Variants in DLGAP1 observed in about 807,000 individuals in gnomAD.
DLGAP1 encodes the protein disks large-associated protein 1.
DLGAP1 carries 11 observed loss-of-function variants against 90.8 expected under a neutral mutation model. That is an observed-to-expected ratio of 0.12 (90% confidence interval 0.08 to 0.20). The LOEUF is 0.20. Among genes scored for constraint, DLGAP1 ranks in the 10% least tolerant of loss-of-function variants. DLGAP1 has a pLI of 1.00. For synonymous variants in DLGAP1, 558 were observed against 540.7 expected (o/e 1.03, Z -0.44); for missense variants, 1,050 against 1,333.8 (o/e 0.79, Z 3.31).
At chr18:4,316,560 G>C (rs1366943619) in intron 1 of DLGAP1, among the ~76,000 whole-genome samples, 1 of 152,166 alleles carries the variant, frequency 6.6e-6, no homozygotes, top group Admixed American at 6.5e-5. Flanking sequence ...GGAGAGACAT[G>C]TAAGAGTAGA....
chr18:4,141,138 T>C (rs1409398225), intron 2 of DLGAP1, among the ~76,000 whole-genome samples: 2 of 152,088 alleles, frequency 1.3e-5, no homozygotes, highest in Admixed American at 6.5e-5. Flanking sequence ...TTGATTTCTA[T>C]ATCTGTCTTC....
intron 1 of DLGAP1, among the ~76,000 whole-genome samples, chr18:4,204,688 T>C (rs929031539): frequency 3.9e-5 from 6 of 152,172 alleles, no homozygotes; most frequent in Non-Finnish European, 8.8e-5. Flanking sequence ...TTTAAGAGGT[T>C]TGACATCAAA....
chr18:4,238,566 C>T (rs559758662), intron 1 of DLGAP1, among the ~76,000 whole-genome samples: 1 of 152,180 alleles, frequency 6.6e-6, no homozygotes, highest in South Asian at 2.1e-4. Context: ...TTTTCACTCT[C>T]GATTTTTGGT....
At chr18:3,758,968 G>A (rs928422296) in intron 5 of DLGAP1, among the ~76,000 whole-genome samples, 2 of 152,060 alleles carry the variant, frequency 1.3e-5, no homozygotes, top group African/African-American at 2.4e-5. Flanking sequence ...TGCCCCATCC[G>A]AAGATCTCAG....
At chr18:4,302,802 T>G (rs1189212893) in intron 1 of DLGAP1, among the ~76,000 whole-genome samples, 1 of 152,226 alleles carries the variant, frequency 6.6e-6, no homozygotes, top group Non-Finnish European at 1.5e-5. Context: ...TAGGTCACAT[T>G]GGGTAGCATG....
intron 7 of DLGAP1, among the ~76,000 whole-genome samples, chr18:3,705,139 C>T (rs930119392): frequency 7.2e-5 from 11 of 152,078 alleles, no homozygotes; most frequent in African/African-American, 2.7e-4. Context: ...AAGAGAAACA[C>T]ACATAATTTG....
chr18:4,376,225 T>A (rs1456033731), intron 1 of DLGAP1, among the ~76,000 whole-genome samples: 1 of 152,184 alleles, frequency 6.6e-6, no homozygotes, highest in Admixed American at 6.5e-5. Context: ...TGGGCTCTCC[T>A]ATGCAACTTA....
At chr18:4,059,410 T>G (rs1370095169) in intron 2 of DLGAP1, among the ~76,000 whole-genome samples, 1 of 152,188 alleles carries the variant, frequency 6.6e-6, no homozygotes, top group African/African-American at 2.4e-5. Flanking sequence ...AGCTTTCTTT[T>G]GTAACACTGT....
At chr18:4,398,089 T>C (rs2082476285) in intron 1 of DLGAP1, among the ~76,000 whole-genome samples, 1 of 152,200 alleles carries the variant, frequency 6.6e-6, no homozygotes. Flanking sequence ...GAAATACCAA[T>C]GTATATCAAA....
At chr18:4,208,719 A>G (rs1262186071) in intron 1 of DLGAP1, among the ~76,000 whole-genome samples, 1 of 152,112 alleles carries the variant, frequency 6.6e-6, no homozygotes, top group Non-Finnish European at 1.5e-5. Context: ...AGAGGGTGAC[A>G]GAGAGAAAAA....
chr18:3,977,434 G>GTGTTTTTTTTTTTTTTTTTTTTTTTTT (rs1555718019), intron 3 of DLGAP1, among the ~76,000 whole-genome samples: 2 of 95,332 alleles, frequency 2.1e-5, no homozygotes, highest in African/African-American at 8.4e-5. Context: ...TTTATTCTGT[G>GTGTTTTTTTTTTTTTTTTTTTTTTTTT]TTTTTTTTTT....
At chr18:3,922,860 T>C (rs2072294799) in intron 3 of DLGAP1, among the ~76,000 whole-genome samples, 1 of 152,088 alleles carries the variant, frequency 6.6e-6, no homozygotes. Context: ...AGGCCGAGTG[T>C]CGTGGTTCGT....
intron 1 of DLGAP1, among the ~76,000 whole-genome samples, chr18:4,396,235 T>A (rs2082436916): frequency 6.6e-6 from 1 of 152,090 alleles, no homozygotes; most frequent in African/African-American, 2.4e-5. Context: ...AGCTTCCACA[T>A]CCAAAGGATG....
At chr18:4,395,566 A>G (rs1230850527) in intron 1 of DLGAP1, among the ~76,000 whole-genome samples, 2 of 152,176 alleles carry the variant, frequency 1.3e-5, no homozygotes, top group East Asian at 1.9e-4. Context: ...CTCTGTAAAG[A>G]TTCATTAACA....
At chr18:3,582,309 G>GT in intron 7 of DLGAP1, 61 bp from the exon 8 acceptor site, 1 of 1,555,336 alleles carries the variant, frequency 6.4e-7, no homozygotes, top group Non-Finnish European at 8.7e-7. Flanking sequence ...TTCTGATATT[G>GT]TAACTGACAG....
intron 1 of DLGAP1, among the ~76,000 whole-genome samples, chr18:4,158,908 G>C (rs2076800520): frequency 6.6e-6 from 1 of 152,050 alleles, no homozygotes; most frequent in African/African-American, 2.4e-5. Flanking sequence ...CATATATTGA[G>C]TATGTACAGC....
At chr18:4,116,501 G>A (rs2076066199) in intron 2 of DLGAP1, among the ~76,000 whole-genome samples, 1 of 151,770 alleles carries the variant, frequency 6.6e-6, no homozygotes, top group Non-Finnish European at 1.5e-5. Flanking sequence ...ACACTGAATG[G>A]TGTTCCACTC....
intron 10 of DLGAP1, among the ~76,000 whole-genome samples, chr18:3,533,429 A>G (rs1448246746): frequency 6.6e-6 from 1 of 152,224 alleles, no homozygotes; most frequent in East Asian, 1.9e-4. Context: ...AAACAGGCTT[A>G]AGAATACAAA....
At chr18:4,318,184 C>T (rs959446824) in intron 1 of DLGAP1, among the ~76,000 whole-genome samples, 3 of 152,146 alleles carry the variant, frequency 2.0e-5, no homozygotes, top group African/African-American at 4.8e-5. Flanking sequence ...GAAAGACATA[C>T]CATAATACCC....
Sources: gnomAD v4.1 joint callset for allele counts (sites outside exome capture counted in the v4.1 genomes callset) on GRCh38, gnomAD v4.1.1 for gene constraint, MANE v1.5 for transcripts, NCBI Gene and HGNC (gene_info 2026-07-23, HGNC 2026-07-21) for gene names.